Variants in SLC41A2 observed in about 807,000 individuals in gnomAD.
SLC41A2 encodes SLC41A1-like 1.
Under a neutral mutation model 58.3 loss-of-function variants are expected in SLC41A2, and 32 were observed. The ratio of observed to expected loss-of-function variants is 0.55; its 90% CI spans 0.41 to 0.74. The LOEUF is 0.74. Ranked by LOEUF, SLC41A2 falls within the 30% of genes least tolerant of loss-of-function variation. The probability of loss-of-function intolerance (pLI) is 0.00; values close to 1 mark genes in which losing one functional copy is unlikely to be tolerated. For synonymous variants in SLC41A2, 190 were observed against 235.0 expected (o/e 0.81, Z 1.75); for missense variants, 514 against 680.6 (o/e 0.76, Z 2.72).
At chr12:104,823,425 G>A (rs1338370601) in intron 10 of SLC41A2, among the ~76,000 whole-genome samples, 1 of 151,994 alleles carries the variant, frequency 6.6e-6, no homozygotes, top group Non-Finnish European at 1.5e-5. Flanking sequence ...CTTAAGAATA[G>A]ACATATAAAT....
chr12:104,839,582 C>T (rs557917135), intron 10 of SLC41A2, among the ~76,000 whole-genome samples: 4 of 151,656 alleles, frequency 2.6e-5, no homozygotes, highest in Admixed American at 2.0e-4. Flanking sequence ...TGGCTCACTG[C>T]AAGCTCTGCC....
Position 104,895,345 on chromosome 12 carries a change from C to T in SLC41A2, c.664G>A (p.Val222Ile). 1 of 1,610,024 alleles carries T rather than the reference C, an allele frequency of 6.2e-7. No homozygotes were observed. The highest frequency in any genetic ancestry group is 8.5e-7 in the Non-Finnish European group (1 of 1,176,848). The change falls in exon 4 of 11, where the codon GTA (valine) becomes ATA (isoleucine). Residue 222 changes from valine to isoleucine, a missense_variant and splice_region_variant. Physicochemically the swap from Val to Ile is conservative, Grantham distance 29. Transcript: ENST00000258538. Reference protein sequence around the residue: ...MTLASRLSTAVNIGKMDSPIE... With the variant: ...MTLASRLSTAINIGKMDSPIE... ...GGTGAATCCATCTTCCCAATATTTA[C>T]CTGTTAAAGTGGATATTTTCATGTA... is the stretch of plus-strand genomic sequence containing the variant.
intron 10 of SLC41A2, among the ~76,000 whole-genome samples, chr12:104,810,572 ATT>A (rs2041128401): frequency 6.6e-6 from 1 of 152,172 alleles, no homozygotes; most frequent in Non-Finnish European, 1.5e-5. Context: ...CATGGGCCAA[ATT>A]CAGTCTGCCA....
Position 104,889,185 on chromosome 12 carries a change from T to A in SLC41A2, c.736-8A>T. 6.3e-7 allele frequency: 1 copy of A among 1,598,902 alleles called. No homozygotes were observed. Among genetic ancestry groups the A allele is most frequent in the Non-Finnish European group, 8.5e-7 (1 of 1,176,190 alleles). ...CACTACTGTTGCCTGAACCTAAAATTTTTTTCATAAATCCAACTGAATTAT... is the reference window on the plus strand; with the variant it reads ...CACTACTGTTGCCTGAACCTAAAATATTTTTCATAAATCCAACTGAATTAT... On this transcript the variant is annotated splice_region_variant and splice_polypyrimidine_tract_variant and intron_variant, in intron 4 of 10. Coordinates refer to ENST00000258538, the MANE Select transcript of SLC41A2 (RefSeq NM_001352171.3).
chr12:104,860,296 A>C (rs1370659522), intron 8 of SLC41A2, among the ~76,000 whole-genome samples: 9 of 151,786 alleles, frequency 5.9e-5, no homozygotes, highest in Non-Finnish European at 1.2e-4. Flanking sequence ...GGGCTTAAAA[A>C]CTAGATGATG....
chr12:104,896,261 T>C (rs938653837), intron 3 of SLC41A2, among the ~76,000 whole-genome samples: 4 of 152,218 alleles, frequency 2.6e-5, no homozygotes, highest in African/African-American at 9.6e-5. Flanking sequence ...ATTTCCTCTA[T>C]CAATCTGGAA....
chr12:104,825,150 A>T (rs1213690959), intron 10 of SLC41A2, among the ~76,000 whole-genome samples: 1 of 152,210 alleles, frequency 6.6e-6, no homozygotes, highest in African/African-American at 2.4e-5. Context: ...TGGCTCAGCC[A>T]CCAAAGGTGC....
At chr12:104,886,718 G>A (rs755047056) in intron 5 of SLC41A2, among the ~76,000 whole-genome samples, 1 of 151,896 alleles carries the variant, frequency 6.6e-6, no homozygotes, top group Non-Finnish European at 1.5e-5. Context: ...CAGATTTAGT[G>A]ACATGTATAT....
intron 10 of SLC41A2, among the ~76,000 whole-genome samples, chr12:104,820,091 C>T (rs894834852): frequency 3.3e-5 from 5 of 152,216 alleles, no homozygotes; most frequent in African/African-American, 1.2e-4. Flanking sequence ...TCCTCCCACC[C>T]TGCCAAGGTC....
At chr12:104,892,381 T>C (rs2045052000) in intron 4 of SLC41A2, among the ~76,000 whole-genome samples, 1 of 151,778 alleles carries the variant, frequency 6.6e-6, no homozygotes, top group African/African-American at 2.4e-5. Context: ...TGTAAAGATA[T>C]TCTATGTTCA....
intron 6 of SLC41A2, among the ~76,000 whole-genome samples, chr12:104,870,436 C>T (rs752869186): frequency 5.3e-5 from 8 of 152,050 alleles, no homozygotes; most frequent in Non-Finnish European, 1.2e-4. Context: ...ACAAAAAAAC[C>T]CAAAAAACAT....
At chr12:104,948,596 C>T (rs1344558329) in intron 1 of SLC41A2, among the ~76,000 whole-genome samples, 2 of 152,114 alleles carry the variant, frequency 1.3e-5, no homozygotes, top group Admixed American at 1.3e-4. Flanking sequence ...AAAGTTACAA[C>T]GTTAGTAAGA....
intron 10 of SLC41A2, among the ~76,000 whole-genome samples, chr12:104,815,120 T>G (rs915766224): frequency 6.6e-6 from 1 of 152,256 alleles, no homozygotes; most frequent in Admixed American, 6.5e-5. Context: ...CAAGCGGGTT[T>G]AAATTTATTC....
intron 6 of SLC41A2, among the ~76,000 whole-genome samples, chr12:104,877,689 T>C (rs1025579722): frequency 3.3e-5 from 5 of 152,130 alleles, no homozygotes; most frequent in Non-Finnish European, 7.4e-5. Flanking sequence ...AGTTTATCCC[T>C]TGTATAATTT....
intron 10 of SLC41A2, among the ~76,000 whole-genome samples, chr12:104,843,758 A>T (rs1211916501): frequency 6.6e-6 from 1 of 152,176 alleles, no homozygotes; most frequent in Non-Finnish European, 1.5e-5. Flanking sequence ...ATTGCTTTGT[A>T]TGTATCCCAC....
intron 10 of SLC41A2, among the ~76,000 whole-genome samples, chr12:104,816,684 T>A (rs1190588523): frequency 1.3e-5 from 2 of 152,214 alleles, no homozygotes; most frequent in Non-Finnish European, 2.9e-5. Flanking sequence ...AAGAAACTTA[T>A]CTGACTGTGG....
At chr12:104,844,086 C>G (rs2042517397) in intron 10 of SLC41A2, among the ~76,000 whole-genome samples, 1 of 152,094 alleles carries the variant, frequency 6.6e-6, no homozygotes, top group African/African-American at 2.4e-5. Context: ...GGTACCAAAT[C>G]TACAAAGTTT....
chr12:104,885,735 C>T (rs778029749), intron 6 of SLC41A2, among the ~76,000 whole-genome samples: 13 of 152,080 alleles, frequency 8.5e-5, no homozygotes, highest in Non-Finnish European at 2.9e-5. Context: ...TCAGGAATTA[C>T]ATATATGGCT....
chr12:104,877,764 C>T (rs2044123310), intron 6 of SLC41A2, among the ~76,000 whole-genome samples: 2 of 151,956 alleles, frequency 1.3e-5, no homozygotes, highest in Non-Finnish European at 2.9e-5. Context: ...TTTGGGAGGC[C>T]GAGGCAGGCA....
Sources: allele counts gnomAD v4.1 joint callset (sites outside exome capture counted in the v4.1 genomes callset), GRCh38; gene constraint gnomAD v4.1.1; transcripts MANE v1.5; gene names NCBI Gene and HGNC (gene_info 2026-07-23, HGNC 2026-07-21).